The following THSD7B variants were observed in gnomAD, a reference collection of about 807,000 sequenced individuals.
THSD7B encodes thrombospondin type-1 domain-containing protein 7B.
In THSD7B, 138 loss-of-function variants were observed where a neutral mutation model predicts 213.6. The ratio of observed to expected loss-of-function variants is 0.65; its 90% CI spans 0.56 to 0.74. The LOEUF is 0.74. THSD7B is among the 30% of genes least tolerant of loss of function. The pLI, the probability that THSD7B is intolerant of heterozygous loss-of-function variation, is 0.00. For synonymous variants in THSD7B, 742 were observed against 687.0 expected (o/e 1.08, Z -1.25); for missense variants, 1,931 against 1,991.5 (o/e 0.97, Z 0.58).
chr2:137,094,873 C>T lies in THSD7B; in HGVS notation c.951C>T (p.Ser317=). 1 of 1,608,428 alleles carries T rather than the reference C, an allele frequency of 6.2e-7. No individual in the cohort carries two copies. Among genetic ancestry groups the T allele is most frequent in the Non-Finnish European group, 8.5e-7 (1 of 1,176,236 alleles). ...TATTTTCTACTTCTGTTTTTTTCAG[C>T]CTTTGCCTTCAAGATTCCTTCCCAT... ...TRSDGQNAML[S]LCLQDSFPLT... is the part of the protein sequence containing the mutation. Residue 317 remains serine, a splice_region_variant and synonymous_variant, in exon 4 of 28, where the codon AGC becomes AGT. Coordinates refer to ENST00000409968, the MANE Select transcript of THSD7B (RefSeq NM_001316349.2).
intron 1 of THSD7B, among the ~76,000 whole-genome samples, chr2:136,816,669 A>C (rs1214070576): frequency 6.6e-6 from 1 of 152,252 alleles, no homozygotes; most frequent in Non-Finnish European, 1.5e-5. Context: ...ACATATTTGT[A>C]AGACAATATG....
Position 137,376,635 on chromosome 2 carries a change from T to A in THSD7B, c.2501-28978T>A, listed in dbSNP as rs540462999. On this transcript the variant is annotated intron_variant, in intron 12 of 27. Transcript: ENST00000409968. The stretch of plus-strand genomic sequence containing the variant: ...TTCTTTCTACCTGCCAAATATGCAT[T>A]TCTCTTGTACATGTACATAAAATAG... 8.8e-4 allele frequency among the ~76,000 whole-genome samples: 134 copies of A among 152,324 alleles called. 4 individuals carry two copies. Among genetic ancestry groups the A allele is most frequent in the Admixed American group, 8.7e-3 (133 of 15,292 alleles).
At chr2:136,959,131 C>T (rs1298706063) in intron 2 of THSD7B, among the ~76,000 whole-genome samples, 2 of 152,180 alleles carry the variant, frequency 1.3e-5, no homozygotes, top group Non-Finnish European at 2.9e-5. Flanking sequence ...TTAGACACTA[C>T]CTAGGGATCA....
intron 1 of THSD7B, among the ~76,000 whole-genome samples, chr2:136,825,838 A>C (rs1682639238): frequency 6.6e-6 from 1 of 151,560 alleles, no homozygotes; most frequent in Non-Finnish European, 1.5e-5. Flanking sequence ...AGGTGTGAGC[A>C]TTCACGTCTG....
rs1172257697 is a variant in THSD7B, at chr2:137,448,724, G to A, written c.2960-2121G>A. ...TGAGGCCGGAGAATGGCGTGAACCC[G>A]GGAGTCAGAGCTTGCAGTGAGCCGA... On this transcript the variant is annotated intron_variant, in intron 14 of 27. Coordinates refer to ENST00000409968, the MANE Select transcript of THSD7B (RefSeq NM_001316349.2). Among the ~76,000 whole-genome samples the A allele has an allele frequency of 3.3e-5, 5 of 152,080 alleles. No homozygotes were observed. The East Asian group carries it at 5.8e-4, about 18-fold the overall frequency.
At chr2:136,823,643 C>T (rs1682599222) in intron 1 of THSD7B, among the ~76,000 whole-genome samples, 1 of 152,112 alleles carries the variant, frequency 6.6e-6, no homozygotes, top group South Asian at 2.1e-4. Flanking sequence ...AGAAATATCT[C>T]ATTTTAGCCA....
chr2:137,058,560 A>G (rs146284766), intron 3 of THSD7B, among the ~76,000 whole-genome samples: 259 of 152,210 alleles, frequency 1.7e-3, no homozygotes, highest in African/African-American at 5.8e-3. Flanking sequence ...GTTTTTTCCT[A>G]TTATTAACAT....
At chr2:136,999,867 C>T (rs1397026701) in intron 2 of THSD7B, among the ~76,000 whole-genome samples, 1 of 152,128 alleles carries the variant, frequency 6.6e-6, no homozygotes, top group East Asian at 1.9e-4. Flanking sequence ...CCATCCTGTG[C>T]TAACGTGTTC....
At chr2:137,673,646 T>C (rs139101764) in intron 27 of THSD7B, among the ~76,000 whole-genome samples, 2 of 152,340 alleles carry the variant, frequency 1.3e-5, no homozygotes, top group African/African-American at 4.8e-5. Flanking sequence ...TCCTAGTTGC[T>C]GGCCTCCTCA....
chr2:137,583,723 G>T (rs959445142), intron 17 of THSD7B, among the ~76,000 whole-genome samples: 2 of 152,170 alleles, frequency 1.3e-5, no homozygotes, highest in African/African-American at 4.8e-5. Flanking sequence ...CCAGTACCAT[G>T]CTGTTTTGGT....
At chr2:137,524,822 T>C (rs1680250247) in intron 15 of THSD7B, among the ~76,000 whole-genome samples, 1 of 152,184 alleles carries the variant, frequency 6.6e-6, no homozygotes, top group African/African-American at 2.4e-5. Flanking sequence ...TGTGAGTGAC[T>C]TTTCTCAGTG....
intron 1 of THSD7B, among the ~76,000 whole-genome samples, chr2:136,801,757 G>T (rs1682185491): frequency 6.6e-6 from 1 of 152,122 alleles, no homozygotes; most frequent in East Asian, 1.9e-4. Flanking sequence ...AATTGTGTCT[G>T]AGGGCAGGGT....
intron 4 of THSD7B, among the ~76,000 whole-genome samples, chr2:137,109,630 T>C (rs1484610122): frequency 6.6e-6 from 1 of 152,114 alleles, no homozygotes; most frequent in Non-Finnish European, 1.5e-5. Context: ...ATCCCTCTCT[T>C]GTGCAGTTCA....
intron 10 of THSD7B, among the ~76,000 whole-genome samples, chr2:137,258,700 G>A (rs370599585): frequency 6.9e-6 from 1 of 144,018 alleles, no homozygotes; most frequent in African/African-American, 2.6e-5. Context: ...TTTTATTTTA[G>A]GTTCCAGGAT....
At chr2:136,892,679 C>A (rs1205959212) in intron 2 of THSD7B, among the ~76,000 whole-genome samples, 1 of 151,766 alleles carries the variant, frequency 6.6e-6, no homozygotes, top group African/African-American at 2.4e-5. Context: ...TGTTTTCCTG[C>A]AGAGATTAAG....
chr2:137,172,496 T>C (rs966534092), intron 7 of THSD7B, among the ~76,000 whole-genome samples: 8 of 152,278 alleles, frequency 5.3e-5, no homozygotes, highest in Non-Finnish European at 1.2e-4. Flanking sequence ...GCTGAGAGGG[T>C]GGCAGATCCC....
chr2:137,588,211 G>A (rs1019804906), intron 17 of THSD7B, among the ~76,000 whole-genome samples: 24 of 152,258 alleles, frequency 1.6e-4, no homozygotes, highest in African/African-American at 5.1e-4. Flanking sequence ...AGAGTGACCC[G>A]ATTTTCCAGG....
chr2:137,150,087 A>G (rs908271251), intron 5 of THSD7B, among the ~76,000 whole-genome samples: 1 of 152,046 alleles, frequency 6.6e-6, no homozygotes, highest in Non-Finnish European at 1.5e-5. Flanking sequence ...TACTAAAAAT[A>G]CAAAACTAGC....
At chr2:136,861,565 C>G (rs976554174) in intron 1 of THSD7B, among the ~76,000 whole-genome samples, 3 of 152,138 alleles carry the variant, frequency 2.0e-5, no homozygotes, top group African/African-American at 7.2e-5. Context: ...GTTTTGTTTT[C>G]CCATGAATCT....
Sources: gnomAD v4.1 joint callset for allele counts (sites outside exome capture counted in the v4.1 genomes callset) on GRCh38, gnomAD v4.1.1 for gene constraint, MANE v1.5 for transcripts, NCBI Gene and HGNC (gene_info 2026-07-23, HGNC 2026-07-21) for gene names.